HMCN1: variants seen among roughly 807,000 people sequenced by gnomAD.
HMCN1 encodes the protein hemicentin 1, also known as hemicentin-1.
Under a neutral mutation model 625.9 loss-of-function variants are expected in HMCN1, and 321 were observed. That is an observed-to-expected ratio of 0.51 (90% confidence interval 0.47 to 0.56). The LOEUF (loss-of-function observed/expected upper bound fraction) is 0.56. Among genes scored for constraint, HMCN1 ranks in the 20% least tolerant of loss-of-function variants. The pLI, the probability that HMCN1 is intolerant of heterozygous loss-of-function variation, is 0.00. For synonymous variants in HMCN1, 2,425 were observed against 2,417.6 expected (o/e 1.00, Z -0.09); for missense variants, 6,588 against 6,887.3 (o/e 0.96, Z 1.54).
intron 11 of HMCN1, among the ~76,000 whole-genome samples, chr1:185,953,487 A>G (rs1649387875): frequency 6.6e-6 from 1 of 151,888 alleles, no homozygotes; most frequent in Admixed American, 6.6e-5. Flanking sequence ...TCTCTACCAG[A>G]AAATACCAGA....
At chr1:185,896,059 T>A (rs200408414) in intron 4 of HMCN1, among the ~76,000 whole-genome samples, 1 of 151,880 alleles carries the variant, frequency 6.6e-6, no homozygotes, top group Non-Finnish European at 1.5e-5. Context: ...CTTCAGCCTC[T>A]TGAGTAGCTG....
At chr1:186,160,472 G>T (rs1411489599) in intron 97 of HMCN1, among the ~76,000 whole-genome samples, 1 of 150,126 alleles carries the variant, frequency 6.7e-6, no homozygotes, top group Non-Finnish European at 1.5e-5. Flanking sequence ...GCTTTTGAAT[G>T]TGTTTGCTCT....
chr1:185,892,914 C>T (rs529285301), intron 4 of HMCN1, among the ~76,000 whole-genome samples: 39 of 152,298 alleles, frequency 2.6e-4, no homozygotes, highest in African/African-American at 8.2e-4. Context: ...CCCAGCCTCG[C>T]TGCCGCCTTG....
In HMCN1 at chr1:186,130,645, GC is replaced by G. The variant is rs745415107; in HGVS notation, c.13180del (p.His4394ThrfsTer27). 25 of 1,613,364 alleles carry G rather than the reference GC, an allele frequency of 1.5e-5. No individual in the cohort carries two copies. Among genetic ancestry groups the G allele is most frequent in the Non-Finnish European group, 1.9e-5 (23 of 1,179,644 alleles). On this transcript the variant is annotated frameshift_variant, in exon 85 of 107. Transcript: ENST00000271588. LOFTEE classifies it high-confidence loss of function. ...WNRKGVDIEISHRIRQLGNGS... is the reference protein window; with the variant it reads ...WNRKGVDIEIXHRIRQLGNGS... ...AGAAAGGGAGTGGATATTGAAATTA[GC>G]CACAGAATCCGGCAACTGGGCAATG... is the stretch of plus-strand genomic sequence containing the variant.
rs534969259 is a variant in HMCN1, at chr1:186,141,812, G to A, written c.13925-2361G>A. Among the ~76,000 whole-genome samples, 135 of 152,300 alleles carry A rather than the reference G, an allele frequency of 8.9e-4. 1 individual carries two copies. Among genetic ancestry groups the A allele is most frequent in the African/African-American group, 3.0e-3 (126 of 41,560 alleles). ...GAAACTAGGCACACAGCAGCCAAGT[G>A]ACTTGTCAGGATTGCATGGCCTGTA... On this transcript the variant is annotated intron_variant, in intron 89 of 106. Coordinates refer to ENST00000271588, the MANE Select transcript of HMCN1 (RefSeq NM_031935.3).
At chr1:185,831,136 T>G (rs1348105895) in intron 1 of HMCN1, among the ~76,000 whole-genome samples, 2 of 152,142 alleles carry the variant, frequency 1.3e-5, no homozygotes, top group Non-Finnish European at 2.9e-5. Context: ...TTCATGTTCA[T>G]GCAAATAATT....
chr1:185,858,565 ATATG>A (rs1662626774), intron 2 of HMCN1, among the ~76,000 whole-genome samples: 1 of 68,980 alleles, frequency 1.4e-5, no homozygotes, highest in Non-Finnish European at 2.4e-5. Flanking sequence ...CTATATGCCT[ATATG>A]CCACCACACC....
chr1:186,129,976 C>G lies in HMCN1; in HGVS notation c.12915C>G (p.Asp4305Glu). 6.2e-7 allele frequency: 1 copy of G among 1,612,944 alleles called. No homozygotes were observed. Among genetic ancestry groups the G allele is most frequent in the Non-Finnish European group, 8.5e-7 (1 of 1,179,182 alleles). ...FNNNIIPAHF[D>E]SVNGHSELVI... is the part of the protein sequence containing the mutation. ...TCTTGTTTCCCTCAGCCCACTTTGA[C>G]AGTGTGAATGGACACAGTGAACTTG... The change falls in exon 84 of 107, where the codon GAC becomes GAG. Residue 4305 changes from aspartate to glutamate, a missense_variant. Asp to Glu is a conservative substitution (Grantham distance 45). Coordinates refer to ENST00000271588, the MANE Select transcript of HMCN1 (RefSeq NM_031935.3).
chr1:185,840,403 GAA>G (rs1381021163), intron 1 of HMCN1, among the ~76,000 whole-genome samples: 2 of 152,140 alleles, frequency 1.3e-5, no homozygotes, highest in African/African-American at 2.4e-5. Flanking sequence ...AGAATTTTTA[GAA>G]AGTGGGAGGG....
chr1:185,954,788 T>C (rs1649504953), intron 11 of HMCN1, among the ~76,000 whole-genome samples: 3 of 152,150 alleles, frequency 2.0e-5, no homozygotes, highest in Admixed American at 2.0e-4. Flanking sequence ...TCTACTCTCT[T>C]TTCCCCAGAC....
In HMCN1 at chr1:185,970,687, C is replaced by A. The variant is rs776414009; in HGVS notation, c.2371+194C>A. 8.7e-4 allele frequency among the ~76,000 whole-genome samples: 132 copies of A among 151,124 alleles called. 1 individual carries two copies. The highest frequency in any genetic ancestry group is 1.5e-3 in the Non-Finnish European group (99 of 67,878). On this transcript the variant is annotated intron_variant, in intron 15 of 106. Coordinates refer to ENST00000271588, the MANE Select transcript of HMCN1 (RefSeq NM_031935.3). ...TTCTTTTTTTTTTTTGATACGGAGT[C>A]TCACTCTGTCACCCAGGCTGGAGTG...
rs905428042 is a variant in HMCN1 at position 185,811,610 on chromosome 1, TA to T, written c.269-34406del. Among the ~76,000 whole-genome samples, 153 of 143,560 alleles carry T rather than the reference TA, an allele frequency of 1.1e-3. 1 individual carries two copies. Among genetic ancestry groups the T allele is most frequent in the Non-Finnish European group, 1.4e-3 (91 of 64,852 alleles). 94.2% of individuals were successfully genotyped at this position (143,560 alleles called of 152,430 possible). A position where few individuals can be genotyped will look rare whatever the true frequency, so the allele number is the denominator to read the frequency against. ...GACCCTGTCTCTTGAAAAATAAAAA[TA>T]AAAAAAAAAGGAGGTGTGTGGATTT... On this transcript the variant is annotated intron_variant, in intron 1 of 106. Transcript: ENST00000271588.
intron 93 of HMCN1, among the ~76,000 whole-genome samples, chr1:186,149,040 G>C (rs1650510446): frequency 6.6e-6 from 1 of 151,288 alleles, no homozygotes; most frequent in Admixed American, 6.6e-5. Flanking sequence ...AGGCTTTGTT[G>C]TTTCATTTAT....
At chr1:186,066,790 G>A (rs1285866702) in intron 49 of HMCN1, among the ~76,000 whole-genome samples, 1 of 152,098 alleles carries the variant, frequency 6.6e-6, no homozygotes, top group Non-Finnish European at 1.5e-5. Flanking sequence ...GGAAGCTTGA[G>A]CCACCTCTTA....
chr1:186,000,233 G>A lies in HMCN1; in HGVS notation c.4063G>A (p.Val1355Ile). The change falls in exon 26 of 107, where the codon GTC becomes ATC. Residue 1355 changes from valine (V) to isoleucine (I), a missense_variant. By Grantham distance (29) the Val-to-Ile change is conservative. Coordinates refer to ENST00000271588, the MANE Select transcript of HMCN1 (RefSeq NM_031935.3). ...CACAGAAAGAAAATATAACCTCAAA[G>A]TCCATGGTAAATGTAGCTAAAATCA... ...GTTERKYNLK[V>I]HVPPVIKDKE... The A allele has an allele frequency of 6.2e-7, 1 of 1,611,964 alleles. No homozygotes were observed. The highest frequency in any genetic ancestry group is 8.5e-7 in the Non-Finnish European group (1 of 1,178,494).
intron 97 of HMCN1, among the ~76,000 whole-genome samples, chr1:186,162,831 G>A (rs1022260595): frequency 3.3e-4 from 50 of 152,194 alleles, no homozygotes; most frequent in Non-Finnish European, 5.3e-4. Context: ...CTACTGGGGG[G>A]TGCCTCCCAG....
At chr1:185,879,971 G>A (rs1664192665) in intron 4 of HMCN1, among the ~76,000 whole-genome samples, 1 of 152,184 alleles carries the variant, frequency 6.6e-6, no homozygotes, top group African/African-American at 2.4e-5. Flanking sequence ...GCAATAAAGA[G>A]AGATGGTACA....
intron 1 of HMCN1, among the ~76,000 whole-genome samples, chr1:185,781,003 T>G (rs1303780088): frequency 6.6e-6 from 1 of 152,218 alleles, no homozygotes; most frequent in African/African-American, 2.4e-5. Flanking sequence ...TGATAGGCTA[T>G]TAATTATTGC....
At chr1:186,189,451 A>G in intron 106 of HMCN1, 61 bp from the exon 107 acceptor site, 2 of 1,580,412 alleles carry the variant, frequency 1.3e-6, no homozygotes, top group Non-Finnish European at 1.7e-6. Context: ...ATGATCACCT[A>G]TATCATGCCT....
Sources: allele counts gnomAD v4.1 joint callset (sites outside exome capture counted in the v4.1 genomes callset), GRCh38; gene constraint gnomAD v4.1.1; transcripts MANE v1.5; gene names NCBI Gene and HGNC (gene_info 2026-07-23, HGNC 2026-07-21).